Variants in DIAPH2 observed in about 807,000 individuals in gnomAD.
The protein encoded by DIAPH2 is protein diaphanous homolog 2.
A neutral mutation model predicts 92.7 loss-of-function variants in DIAPH2; 35 were observed. The ratio of observed to expected loss-of-function variants is 0.38; its 90% CI spans 0.29 to 0.50. The LOEUF (loss-of-function observed/expected upper bound fraction) is 0.50, where lower values mean the gene tolerates loss of function less well. Ranked by LOEUF, DIAPH2 falls within the 20% of genes least tolerant of loss-of-function variation. The pLI is 0.94. For missense variants in DIAPH2, 701 were observed against 819.5 expected, an observed-to-expected ratio of 0.86 and a Z score of 1.77; for synonymous variants, 301 against 280.4, an observed-to-expected ratio of 1.07 and a Z score of -0.73.
At chrX:96,847,517 TA>T (rs1382312944) in intron 4 of DIAPH2, among the ~76,000 whole-genome samples, 2 of 111,818 alleles carry the variant, frequency 1.8e-5, no homozygotes, top group African/African-American at 6.5e-5. Flanking sequence ...CAGGTTGTTG[TA>T]AAAACTAAGA....
intron 25 of DIAPH2, among the ~76,000 whole-genome samples, chrX:97,387,371 A>G (rs766144302): frequency 2.7e-4 from 30 of 112,498 alleles, no homozygotes; most frequent in Non-Finnish European, 4.7e-4. Context: ...ACAAACACAT[A>G]TACACACACA....
intron 1 of DIAPH2, among the ~76,000 whole-genome samples, chrX:96,699,411 C>T (rs1015850225): frequency 2.7e-5 from 3 of 110,995 alleles, no homozygotes; most frequent in Non-Finnish European, 3.8e-5. Flanking sequence ...GCTAATTTTA[C>T]CTCCCAGGGA....
chrX:96,815,632 G>A (rs750361072), intron 4 of DIAPH2, among the ~76,000 whole-genome samples: 45 of 111,635 alleles, frequency 4.0e-4, no homozygotes, highest in African/African-American at 1.4e-3. Flanking sequence ...GCTGCAGACC[G>A]GAGCTGTTCC....
chrX:97,383,692 A>G (rs2069571727), intron 24 of DIAPH2, among the ~76,000 whole-genome samples: 3 of 109,201 alleles, frequency 2.7e-5, no homozygotes, highest in African/African-American at 1.0e-4. Flanking sequence ...TCAAAAGTAT[A>G]TATATGCACA....
intron 22 of DIAPH2, among the ~76,000 whole-genome samples, chrX:97,200,269 G>C (rs1354895867): frequency 8.9e-6 from 1 of 112,324 alleles, no homozygotes; most frequent in Non-Finnish European, 1.9e-5. Context: ...GCAGCTGTTT[G>C]GGCAGGCACC....
intron 23 of DIAPH2, among the ~76,000 whole-genome samples, chrX:97,346,860 T>C (rs961290213): frequency 9.0e-6 from 1 of 110,973 alleles, no homozygotes; most frequent in East Asian, 2.8e-4. Flanking sequence ...CAGAGGCAGT[T>C]AAGAGAATCA....
intron 17 of DIAPH2, among the ~76,000 whole-genome samples, chrX:96,992,911 A>G (rs1178065693): frequency 8.9e-6 from 1 of 112,310 alleles, no homozygotes; most frequent in Non-Finnish European, 1.9e-5. Context: ...GTAAGTGTCA[A>G]TTCTGTTGTG....
chrX:97,236,037 A>T (rs2068045469), intron 22 of DIAPH2, among the ~76,000 whole-genome samples: 1 of 111,794 alleles, frequency 8.9e-6, no homozygotes, highest in Non-Finnish European at 1.9e-5. Context: ...CTTTTGTCTG[A>T]CCTATAACCC....
chrX:96,897,722 A>C (rs1195741444), intron 5 of DIAPH2, among the ~76,000 whole-genome samples: 1 of 108,466 alleles, frequency 9.2e-6, no homozygotes, highest in Non-Finnish European at 1.9e-5. Flanking sequence ...ATTTTTTTAA[A>C]TTTTATTTTA....
chrX:97,175,230 G>A (rs780668635), intron 22 of DIAPH2, among the ~76,000 whole-genome samples: 10 of 111,314 alleles, frequency 9.0e-5, no homozygotes, highest in African/African-American at 3.3e-4. Context: ...GTCTCAGAAG[G>A]AACCATTGAA....
intron 22 of DIAPH2, among the ~76,000 whole-genome samples, chrX:97,174,710 G>A (rs2147456604): frequency 8.9e-6 from 1 of 112,020 alleles, no homozygotes; most frequent in South Asian, 3.7e-4. Context: ...GTGTGTGTGT[G>A]TTTAAAAGAG....
intron 23 of DIAPH2, among the ~76,000 whole-genome samples, chrX:97,286,924 C>T (rs2147607391): frequency 9.0e-6 from 1 of 111,553 alleles, no homozygotes; most frequent in Non-Finnish European, 1.9e-5. Context: ...TCTCTGTCCA[C>T]ATACTTGGCA....
chrX:96,867,683 C>G (rs1222747822), intron 4 of DIAPH2, among the ~76,000 whole-genome samples: 1 of 111,706 alleles, frequency 9.0e-6, no homozygotes, highest in Non-Finnish European at 1.9e-5. Context: ...AGAAAATAAA[C>G]ACATATGTTT....
intron 26 of DIAPH2, among the ~76,000 whole-genome samples, chrX:97,460,280 C>G (rs1355036016): frequency 8.9e-6 from 1 of 111,810 alleles, no homozygotes; most frequent in African/African-American, 3.3e-5. Flanking sequence ...GGGACCCCCT[C>G]CCACCTGACT....
intron 23 of DIAPH2, among the ~76,000 whole-genome samples, chrX:97,344,035 T>C (rs755320403): frequency 1.8e-5 from 2 of 111,935 alleles, no homozygotes; most frequent in South Asian, 3.7e-4. Flanking sequence ...AAGGTTGTTA[T>C]AAAGAATATG....
chrX:97,572,736 C>T (rs758283430), intron 26 of DIAPH2, among the ~76,000 whole-genome samples: 1 of 112,042 alleles, frequency 8.9e-6, no homozygotes, highest in East Asian at 2.8e-4. Flanking sequence ...CCCTTCTGAA[C>T]ATTAACTATT....
intron 21 of DIAPH2, among the ~76,000 whole-genome samples, chrX:97,133,373 C>T (rs1374600180): frequency 3.6e-5 from 4 of 111,053 alleles, no homozygotes; most frequent in Non-Finnish European, 7.6e-5. Context: ...CTGCAACCTC[C>T]ACCTCCCGGG....
chrX:97,429,728 G>A lies in DIAPH2; in HGVS notation c.3224G>A (p.Arg1075Gln), dbSNP rs771338255. 2.6e-5 allele frequency: 31 copies of A among 1,205,201 alleles called. No individual in the cohort carries two copies. The highest frequency in any genetic ancestry group is 3.0e-5 in the Non-Finnish European group (27 of 893,527). Residue 1075 changes from arginine (R) to glutamine (Q), a missense_variant, in exon 26 of 27, where the codon CGG (arginine) becomes CAG (glutamine). Physicochemically the swap from Arg to Gln is conservative, Grantham distance 43 (BLOSUM62 1). This residue lies in a region of DIAPH2 where 536 missense variants were observed against 599.3 expected (regional missense o/e 0.89). Coordinates refer to ENST00000324765, the MANE Select transcript of DIAPH2 (RefSeq NM_006729.5). ...SGAAFRDRRK[R>Q]IPRNPDNRRV... ...GCAGCATTCAGAGACCGTCGAAAGC[G>A]GATTCCAAGGAATCCAGGTAAAACA...
intron 26 of DIAPH2, among the ~76,000 whole-genome samples, chrX:97,451,108 G>A (rs113923258): frequency 8.1e-5 from 9 of 111,156 alleles, no homozygotes; most frequent in African/African-American, 2.9e-4. Flanking sequence ...TCCTACAGTG[G>A]CTAAGAAGAT....
Sources: allele counts gnomAD v4.1 joint callset (sites outside exome capture counted in the v4.1 genomes callset), GRCh38; gene constraint gnomAD v4.1.1; regional missense constraint gnomAD v4.1.1; transcripts MANE v1.5; gene names NCBI Gene and HGNC (gene_info 2026-07-23, HGNC 2026-07-21).